Variants in GABRG1 observed in about 807,000 individuals in gnomAD.
GABRG1 encodes gamma-aminobutyric acid type A receptor subunit gamma1, also known as gamma-aminobutyric acid receptor subunit gamma-1.
GABRG1 carries 49 observed loss-of-function variants against 49.8 expected under a neutral mutation model. The observed-to-expected ratio is 0.98, with a 90% CI of 0.78 to 1.25. GABRG1 has a LOEUF of 1.25. Ranked by LOEUF, GABRG1 falls within the 50% of genes most tolerant of loss-of-function variation. GABRG1 has a pLI of 0.00. For synonymous variants in GABRG1, 232 were observed against 185.1 expected (o/e 1.25, Z -2.06); for missense variants, 552 against 552.3 (o/e 1.00, Z 0.01).
rs1003979660 is a variant in GABRG1 at position 46,038,510 on chromosome 4, A to G, written c.*2478T>C. ...ATCCAGGAAAATCAAGTTCCAATAAATTCAATAAATTATTATATAACTCCC... is the reference window on the plus strand; with the variant it reads ...ATCCAGGAAAATCAAGTTCCAATAAGTTCAATAAATTATTATATAACTCCC... On this transcript the variant is annotated 3_prime_UTR_variant, in exon 9 of 9. Transcript: ENST00000295452. 1.3e-5 allele frequency: 2 copies of G among 151,632 alleles called. No homozygotes were observed. Among genetic ancestry groups the G allele is most frequent in the African/African-American group, 2.4e-5 (1 of 41,394 alleles). The allele number at this position is 151,632 out of a possible 1,614,324, so 9.4% of individuals were successfully genotyped here. A position where few individuals can be genotyped will look rare whatever the true frequency, so the allele number is the denominator to read the frequency against.
intron 1 of GABRG1, among the ~76,000 whole-genome samples, chr4:46,108,838 G>T (rs1720637258): frequency 1.3e-5 from 2 of 150,988 alleles, no homozygotes; most frequent in East Asian, 3.9e-4. Context: ...GGCAAAGGAA[G>T]AATTTATCAC....
At chr4:46,071,588 G>A (rs895880041) in intron 3 of GABRG1, among the ~76,000 whole-genome samples, 2 of 151,686 alleles carry the variant, frequency 1.3e-5, no homozygotes, top group Non-Finnish European at 2.9e-5. Context: ...CAGATCAGAT[G>A]ACAGCTTTAT....
chr4:46,098,664 G>A (rs1369105531), intron 1 of GABRG1, among the ~76,000 whole-genome samples: 1 of 151,692 alleles, frequency 6.6e-6, no homozygotes, highest in Non-Finnish European at 1.5e-5. Flanking sequence ...GACTACCCTG[G>A]TCTTGAGAGA....
intron 8 of GABRG1, among the ~76,000 whole-genome samples, chr4:46,042,722 T>A (rs1037489656): frequency 6.6e-6 from 1 of 151,948 alleles, no homozygotes; most frequent in Non-Finnish European, 1.5e-5. Context: ...TCACCAAATA[T>A]TAAAAATCCA....
intron 6 of GABRG1, 36 bp downstream of exon 6, chr4:46,058,449 G>T (rs769995991): frequency 1.4e-5 from 22 of 1,604,796 alleles, no homozygotes; most frequent in Non-Finnish European, 1.7e-5. Context: ...GTCATTTAAT[G>T]CTAGCATCAT....
intron 2 of GABRG1, among the ~76,000 whole-genome samples, chr4:46,089,689 A>G (rs538003381): frequency 7.9e-5 from 12 of 152,222 alleles, no homozygotes; most frequent in East Asian, 1.9e-4. Context: ...TAGGCTAGGC[A>G]TGGTGGCTTC....
chr4:46,095,534 GA>G (rs61196786), intron 2 of GABRG1, among the ~76,000 whole-genome samples: 18 of 149,218 alleles, frequency 1.2e-4, no homozygotes, highest in Admixed American at 6.0e-4. Context: ...CTTCCAGGAG[GA>G]AAAAAAAAGA....
chr4:46,093,283 A>G (rs1204430015), intron 2 of GABRG1, among the ~76,000 whole-genome samples: 1 of 151,992 alleles, frequency 6.6e-6, no homozygotes, highest in Non-Finnish European at 1.5e-5. Context: ...AAAAAAAAGG[A>G]TAAGATTCTG....
At chr4:46,061,534 AT>A (rs1718674285) in intron 5 of GABRG1, among the ~76,000 whole-genome samples, 2 of 152,110 alleles carry the variant, frequency 1.3e-5, no homozygotes, top group Admixed American at 6.6e-5. Flanking sequence ...CATTTTACAT[AT>A]TTTTAAGATA....
At chr4:46,058,699 T>C (rs959984016) in intron 5 of GABRG1, 77 bp from the exon 6 acceptor site, 2 of 1,111,422 alleles carry the variant, frequency 1.8e-6, no homozygotes, top group Non-Finnish European at 2.6e-6. Flanking sequence ...CAAAGGTAGA[T>C]TCTTGGAACT....
At chr4:46,065,851 G>T (rs1203374426) in intron 3 of GABRG1, among the ~76,000 whole-genome samples, 1 of 151,924 alleles carries the variant, frequency 6.6e-6, no homozygotes, top group Non-Finnish European at 1.5e-5. Context: ...GCCTCCGGAG[G>T]AGCTGGGACA....
Position 46,036,880 on chromosome 4 carries a change from G to A in GABRG1, c.*4108C>T, listed in dbSNP as rs746891444. 1 of 151,886 alleles carries A rather than the reference G, an allele frequency of 6.6e-6. No individual in the cohort carries two copies. The highest frequency in any genetic ancestry group is 1.5e-5 in the Non-Finnish European group (1 of 67,872). The allele number at this position is 151,886 out of a possible 1,614,324, so 9.4% of individuals were successfully genotyped here. On this transcript the variant is annotated 3_prime_UTR_variant, in exon 9 of 9. Coordinates refer to ENST00000295452, the MANE Select transcript of GABRG1 (RefSeq NM_173536.4). ...CCCTAGCCTCCTGAAGTCCACATTC[G>A]TACTTCTCAGTTTATTGTTCTAACC...
intron 8 of GABRG1, among the ~76,000 whole-genome samples, chr4:46,049,109 G>GAAGGAAAGACAAAGAGGA (rs1331159742): frequency 2.6e-5 from 4 of 151,866 alleles, no homozygotes; most frequent in South Asian, 2.1e-4. Flanking sequence ...TGGGGAGATT[G>GAAGGAAAGACAAAGAGGA]AAGGAAAGAC....
intron 1 of GABRG1, among the ~76,000 whole-genome samples, chr4:46,097,625 T>A (rs1398299510): frequency 1.3e-5 from 2 of 151,612 alleles, no homozygotes. Flanking sequence ...TTCATAAAAA[T>A]TATTCCACCA....
At chr4:46,041,820 C>T (rs985097159) in intron 8 of GABRG1, among the ~76,000 whole-genome samples, 6 of 151,946 alleles carry the variant, frequency 3.9e-5, no homozygotes, top group Non-Finnish European at 5.9e-5. Context: ...AAATTCTGCT[C>T]ATTCTACCAA....
rs578144801 is a variant in GABRG1, at chr4:46,114,103, G to A, written c.104+9707C>T. On this transcript the variant is annotated intron_variant, in intron 1 of 8. Transcript: ENST00000295452. ...GTTTGAGCTACTAAACCCTTTTGTA[G>A]AAAAGTTCCTTTCTAGGGTTGTAGC... Among the ~76,000 whole-genome samples, 64 of 151,008 alleles carry A rather than the reference G, an allele frequency of 4.2e-4. No individual in the cohort carries two copies. In the South Asian group the frequency reaches 0.013, roughly 30 times the overall value.
chr4:46,047,099 A>G (rs987656069), intron 8 of GABRG1, among the ~76,000 whole-genome samples: 6 of 152,240 alleles, frequency 3.9e-5, no homozygotes, highest in African/African-American at 1.4e-4. Flanking sequence ...TCAATATGAT[A>G]GCCGTAAGTC....
chr4:46,097,132 G>A (rs1720189588), intron 2 of GABRG1, 69 bp downstream of exon 2: 6 of 1,297,304 alleles, frequency 4.6e-6, no homozygotes, highest in South Asian at 1.7e-5. Flanking sequence ...AAGAAATAAT[G>A]ATTAAAATAG....
At position 46,051,581 on chromosome 4, in the gene GABRG1, G is replaced by C. The variant is rs1441799897; in HGVS notation, c.974C>G (p.Pro325Arg). 11 of 1,611,218 alleles carry C rather than the reference G, an allele frequency of 6.8e-6. No individual in the cohort carries two copies. The highest frequency in any genetic ancestry group is 9.3e-6 in the Non-Finnish European group (11 of 1,178,374). Residue 325 changes from proline (P) to arginine (R), a missense_variant, in exon 8 of 9, where the codon CCT becomes CGT. Pro to Arg is a moderately radical substitution (Grantham distance 103). Transcript: ENST00000295452. ...CATCGCAGTCACATAAGAAACCTTA[G>C]GTAAAGACTTCCTGGCAATTGTACT... ...TLSTIARKSL[P>R]KVSYVTAMDL...
Sources: gnomAD v4.1 joint callset for allele counts (sites outside exome capture counted in the v4.1 genomes callset) on GRCh38, gnomAD v4.1.1 for gene constraint, MANE v1.5 for transcripts, NCBI Gene and HGNC (gene_info 2026-07-23, HGNC 2026-07-21) for gene names.